ZNF496: variants seen among roughly 807,000 people sequenced by gnomAD.
ZNF496 encodes the protein NSD1 (nuclear receptor binding SET-domain containing 1)-interacting zinc finger protein 1.
ZNF496 carries 11 observed loss-of-function variants against 58.9 expected under a neutral mutation model. The ratio of observed to expected loss-of-function variants is 0.19; its 90% CI spans 0.12 to 0.31. ZNF496 has a LOEUF of 0.31. Ranked by LOEUF, ZNF496 falls within the 10% of genes least tolerant of loss-of-function variation. The pLI is 1.00. For synonymous variants in ZNF496, 338 were observed against 318.2 expected (o/e 1.06, Z -0.66); for missense variants, 660 against 783.0 (o/e 0.84, Z 1.88).
In ZNF496 at chr1:247,329,404, C is replaced by T. The variant is rs772310743; in HGVS notation, c.175G>A (p.Ala59Thr). The change falls in exon 4 of 10, where the codon GCC becomes ACC. Residue 59 changes from alanine to threonine, a missense_variant. By Grantham distance (58) the Ala-to-Thr change is moderately conservative. Coordinates refer to ENST00000682384, the MANE Select transcript of ZNF496 (RefSeq NM_032752.3). This position sits in a 1 kb window ranked among gnomAD's most constrained non-coding sequence, Gnocchi z 5.5. ...CACAGGTCCCAGAGGCGCTGCAGGG[C>T]CTCCCGGGGGCCCGCCGCCTCCTGG... ...RYQEAAGPRE[A>T]LQRLWDLCGG... 6.2e-7 allele frequency: 1 copy of T among 1,613,170 alleles called. No individual in the cohort carries two copies. Among genetic ancestry groups the T allele is most frequent in the South Asian group, 1.1e-5 (1 of 91,052 alleles).
intron 9 of ZNF496, among the ~76,000 whole-genome samples, chr1:247,305,891 G>A (rs1659391000): frequency 1.3e-5 from 2 of 152,152 alleles, no homozygotes; most frequent in African/African-American, 4.8e-5. Flanking sequence ...ACCAGTCTAG[G>A]CAACATAAAG....
At chr1:247,327,655 T>G (rs1398235435) in intron 5 of ZNF496, among the ~76,000 whole-genome samples, 1 of 152,218 alleles carries the variant, frequency 6.6e-6, no homozygotes, top group Non-Finnish European at 1.5e-5. Context: ...ACACAGAAAT[T>G]TAATAGGCAT....
intron 9 of ZNF496, 136 bp from the exon 10 acceptor site, chr1:247,301,412 T>C: frequency 1.8e-6 from 2 of 1,123,226 alleles, no homozygotes; most frequent in Non-Finnish European, 2.4e-6. Flanking sequence ...CGGGGCGGCC[T>C]GGCCAGCCCT....
Position 247,300,456 on chromosome 1 carries a change from C to G in ZNF496, c.*63G>C. On this transcript the variant is annotated 3_prime_UTR_variant, in exon 10 of 10. Transcript: ENST00000682384. This position sits in a 1 kb window ranked among gnomAD's most constrained non-coding sequence, Gnocchi z 5.7. ...GGAAGGTATGTCCTGGGTGGGGGCG[C>G]TGATCAGTACCAAGGTGAGGGGGCA... 8 of 1,511,696 alleles carry G rather than the reference C, an allele frequency of 5.3e-6. No individual in the cohort carries two copies. The highest frequency in any genetic ancestry group is 7.1e-6 in the Non-Finnish European group (8 of 1,127,314). The allele number at this position is 1,511,696 out of a possible 1,614,324, so 93.6% of individuals were successfully genotyped here.
At position 247,299,740 on chromosome 1, in the gene ZNF496, T is replaced by C. The variant is rs1414026945; in HGVS notation, c.*779A>G. 6.6e-6 allele frequency: 1 copy of C among 152,218 alleles called. No individual in the cohort carries two copies. The highest frequency in any genetic ancestry group is 1.5e-5 in the Non-Finnish European group (1 of 68,054). 9.4% of individuals were successfully genotyped at this position (152,218 alleles called of 1,614,324 possible). On this transcript the variant is annotated 3_prime_UTR_variant, in exon 10 of 10. Transcript: ENST00000682384. ...CAAGGATCTTTGGGGTATAAAGACATTATGGGGTAGGTGTGCAACACAAAT... is the reference window on the plus strand; with the variant it reads ...CAAGGATCTTTGGGGTATAAAGACACTATGGGGTAGGTGTGCAACACAAAT...
intron 9 of ZNF496, among the ~76,000 whole-genome samples, chr1:247,305,098 A>C (rs1351820764): frequency 6.6e-6 from 1 of 152,168 alleles, no homozygotes; most frequent in Non-Finnish European, 1.5e-5. Context: ...CTGTATTTGA[A>C]GATAGGCTCT....
intron 9 of ZNF496, chr1:247,307,801 A>G: frequency 1.0e-6 from 1 of 985,448 alleles, no homozygotes; most frequent in Non-Finnish European, 1.2e-6. Context: ...GGTAAGAATC[A>G]GAGGCTTGGG....
rs1254541231 is a variant in ZNF496, at chr1:247,297,974, G to C, written c.*2545C>G. 3 of 152,198 alleles carry C rather than the reference G, an allele frequency of 2.0e-5. No homozygotes were observed. The highest frequency in any genetic ancestry group is 4.4e-5 in the Non-Finnish European group (3 of 68,048). 9.4% of individuals were successfully genotyped at this position (152,198 alleles called of 1,614,324 possible). ...AAGTAGAACAGTGTTCTTCTCTTGA[G>C]TCAGACGTCTGAAGCAGGAAGGTGA... On this transcript the variant is annotated 3_prime_UTR_variant, in exon 10 of 10. Coordinates refer to ENST00000682384, the MANE Select transcript of ZNF496 (RefSeq NM_032752.3).
chr1:247,308,566 G>A lies in ZNF496; in HGVS notation c.915C>T (p.Phe305=). ...CACGTTTCCTTCTTTCTTCTACCTG[G>A]AATGGCTGGAGACTTGGAGAGTCTT... The part of the protein sequence containing the change: ...SYLDSPSLQP[F]QVEERRKREE... Residue 305 remains phenylalanine, a synonymous_variant, in exon 9 of 10, where the codon TTC becomes TTT. Coordinates refer to ENST00000682384, the MANE Select transcript of ZNF496 (RefSeq NM_032752.3). The surrounding 1 kb of genome is among the most constrained non-coding windows in gnomAD (Gnocchi z 4.5). 2 of 1,614,072 alleles carry A rather than the reference G, an allele frequency of 1.2e-6. No homozygotes were observed. The highest frequency in any genetic ancestry group is 1.7e-6 in the Non-Finnish European group (2 of 1,179,962).
At chr1:247,310,187 A>G (rs1659556652) in intron 7 of ZNF496, 137 bp downstream of exon 7, 3 of 1,482,478 alleles carry the variant, frequency 2.0e-6, no homozygotes, top group Admixed American at 5.0e-5. Context: ...CCTCCTGTCC[A>G]GGTTGGGGGT....
intron 6 of ZNF496, chr1:247,322,693 C>A: frequency 7.8e-7 from 1 of 1,285,604 alleles, no homozygotes; most frequent in Non-Finnish European, 1.0e-6. Flanking sequence ...TCTGGAATGA[C>A]TCACCACGTA....
At position 247,300,621 on chromosome 1, in the gene ZNF496, C is replaced by A. The variant is rs1308340864; in HGVS notation, c.1662G>T (p.Gln554His). The change falls in exon 10 of 10, where the codon CAG (glutamine) becomes CAT (histidine). Residue 554 changes from glutamine (Q) to histidine (H), a missense_variant. Transcript: ENST00000682384. This position sits in a 1 kb window ranked among gnomAD's most constrained non-coding sequence, Gnocchi z 5.7. Reference sequence around the variant, plus strand: ...TGAAGCTCTTGACGCAGTACCGGCACTGGAAGGGCCGGGCTTTGTCCTTCA... The same window carrying A: ...TGAAGCTCTTGACGCAGTACCGGCAATGGAAGGGCCGGGCTTTGTCCTTCA... ...FHLKDKARPF[Q>H]CRYCVKSFTQ... The A allele has an allele frequency of 6.2e-7, 1 of 1,614,144 alleles. No homozygotes were observed. The highest frequency in any genetic ancestry group is 1.7e-5 in the Admixed American group (1 of 60,034).
At chr1:247,317,182 G>A (rs948352867) in intron 6 of ZNF496, among the ~76,000 whole-genome samples, 1 of 152,130 alleles carries the variant, frequency 6.6e-6, no homozygotes, top group Admixed American at 6.5e-5. Context: ...CTGAAAGGTG[G>A]AGAGAGGGTG....
chr1:247,317,798 CAGA>C, intron 6 of ZNF496, among the ~76,000 whole-genome samples: 1 of 152,292 alleles, frequency 6.6e-6, no homozygotes, highest in Non-Finnish European at 1.5e-5. Context: ...AGTTAAGGTC[CAGA>C]GTCTCATCAT....
intron 5 of ZNF496, among the ~76,000 whole-genome samples, chr1:247,326,063 C>T (rs12567088): frequency 0.25 from 36,994 of 145,492 alleles, 4,942 homozygotes; most frequent in Middle Eastern, 0.3. Context: ...CACACACACA[C>T]ATATATACAC....
At chr1:247,325,078 T>C (rs1034021978) in intron 5 of ZNF496, among the ~76,000 whole-genome samples, 3 of 152,204 alleles carry the variant, frequency 2.0e-5, no homozygotes, top group Admixed American at 6.5e-5. Flanking sequence ...CCAGGTCACA[T>C]GTTAAGTCAT....
In ZNF496 at chr1:247,308,838, C is replaced by A; in HGVS notation, c.893-250G>T. ...ACGTAGATCCGGGTTCTACTCCACC[C>A]ACTCTATGGCCAGAGACAAGCACTT... is the stretch of plus-strand genomic sequence containing the variant. On this transcript the variant is annotated intron_variant, in intron 8 of 9. Coordinates refer to ENST00000682384, the MANE Select transcript of ZNF496 (RefSeq NM_032752.3). This position sits in a 1 kb window ranked among gnomAD's most constrained non-coding sequence, Gnocchi z 4.5. 2.2e-6 allele frequency: 1 copy of A among 451,234 alleles called. No individual in the cohort carries two copies. Among genetic ancestry groups the A allele is most frequent in the Non-Finnish European group, 4.1e-6 (1 of 243,660 alleles). The allele number at this position is 451,234 out of a possible 1,614,324, so 28.0% of individuals were successfully genotyped here. A position where few individuals can be genotyped will look rare whatever the true frequency, so the allele number is the denominator to read the frequency against.
Position 247,322,779 on chromosome 1 carries a change from G to T in ZNF496, c.651+375C>A, listed in dbSNP as rs1340662507. ...ACATTTCTAAAATATAACCATTGCT[G>T]CGATGATTATTAAATTGAAAAATTC... is the stretch of plus-strand genomic sequence containing the variant. On this transcript the variant is annotated intron_variant, in intron 6 of 9. Transcript: ENST00000682384. The T allele has an allele frequency of 3.9e-6, 5 of 1,296,368 alleles. No homozygotes were observed. In the African/African-American group the frequency reaches 7.6e-5, roughly 20 times the overall value. The allele number at this position is 1,296,368 out of a possible 1,614,324, so 80.3% of individuals were successfully genotyped here. A position where few individuals can be genotyped will look rare whatever the true frequency, so the allele number is the denominator to read the frequency against.
chr1:247,315,444 G>A (rs185984087), intron 6 of ZNF496, among the ~76,000 whole-genome samples: 1 of 152,216 alleles, frequency 6.6e-6, no homozygotes, highest in East Asian at 1.9e-4. Context: ...AGTGTTAAGA[G>A]ATGGGACAAC....
Sources: gnomAD v4.1 joint callset for allele counts (sites outside exome capture counted in the v4.1 genomes callset) on GRCh38, gnomAD v4.1.1 for gene constraint, Gnocchi (gnomAD v3.1) non-coding constraint, MANE v1.5 for transcripts, NCBI Gene and HGNC (gene_info 2026-07-23, HGNC 2026-07-21) for gene names.